The following MYO3B variants were observed in gnomAD, a reference collection of about 807,000 sequenced individuals.
MYO3B encodes myosin IIIB, also known as myosin-IIIb.
In MYO3B, 156 loss-of-function variants were observed where a neutral mutation model predicts 174.6. The ratio of observed to expected loss-of-function variants is 0.89; its 90% confidence interval spans 0.78 to 1.02. The LOEUF (loss-of-function observed/expected upper bound fraction) is 1.02. Ranked by LOEUF, MYO3B falls within the 50% of genes least tolerant of loss-of-function variation. The probability of loss-of-function intolerance (pLI) is 0.00; values close to 1 mark genes in which losing one functional copy is unlikely to be tolerated. For missense variants in MYO3B, 1,632 were observed against 1,639.4 expected (o/e 1.00, Z 0.08); for synonymous variants, 563 against 569.1 (o/e 0.99, Z 0.15).
chr2:170,299,270 G>A (rs1298777674), intron 7 of MYO3B, among the ~76,000 whole-genome samples: 1 of 152,180 alleles, frequency 6.6e-6, no homozygotes, highest in African/African-American at 2.4e-5. Flanking sequence ...TAGAGAGACA[G>A]AGTGGTAAAT....
At chr2:170,320,562 A>G (rs1263312381) in intron 7 of MYO3B, among the ~76,000 whole-genome samples, 1 of 152,160 alleles carries the variant, frequency 6.6e-6, no homozygotes, top group Non-Finnish European at 1.5e-5. Context: ...GGGCACTTGA[A>G]AAGAGATGCA....
At chr2:170,485,531 A>C (rs143297342) in intron 25 of MYO3B, among the ~76,000 whole-genome samples, 1 of 152,206 alleles carries the variant, frequency 6.6e-6, no homozygotes, top group Non-Finnish European at 1.5e-5. Flanking sequence ...CTACTTATAC[A>C]TGTTAGAGAT....
chr2:170,391,555 A>G lies in MYO3B; in HGVS notation c.1613A>G (p.Tyr538Cys), dbSNP rs1444270746. 1 of 1,572,644 alleles carries G rather than the reference A, an allele frequency of 6.4e-7. No homozygotes were observed. The highest frequency in any genetic ancestry group is 8.6e-7 in the Non-Finnish European group (1 of 1,163,278). Residue 538 changes from tyrosine (Y) to cysteine (C), a missense_variant, in exon 15 of 35, where the codon TAT (tyrosine) becomes TGT (cysteine). Physicochemically the swap from Tyr to Cys is radical, Grantham distance 194. Coordinates refer to ENST00000408978, the MANE Select transcript of MYO3B (RefSeq NM_138995.5). ...EKNFHIFYYI[Y>C]AGLHHQKKLS... ...AATTTTCATATATTTTACTATATTT[A>G]TGCTGGTCTTCATCACCAAAAGAAG... is the stretch of plus-strand genomic sequence containing the variant.
chr2:170,336,780 CA>C (rs2105543912), intron 8 of MYO3B, among the ~76,000 whole-genome samples: 1 of 152,224 alleles, frequency 6.6e-6, no homozygotes, highest in South Asian at 2.1e-4. Flanking sequence ...CATTTGGCCC[CA>C]GGGGGTTTGT....
intron 32 of MYO3B, among the ~76,000 whole-genome samples, chr2:170,607,358 C>T (rs1694877376): frequency 6.6e-6 from 1 of 152,252 alleles, no homozygotes; most frequent in Non-Finnish European, 1.5e-5. Context: ...TGCTATACTA[C>T]ATGGGTCAGC....
At chr2:170,298,547 G>C (rs13402921) in intron 7 of MYO3B, among the ~76,000 whole-genome samples, 6,495 of 151,488 alleles carry the variant, frequency 0.043, 475 homozygotes, top group African/African-American at 0.15. Context: ...TGCTGGCGGG[G>C]ACCTGTAATC....
chr2:170,297,048 A>G (rs562646014), intron 7 of MYO3B, among the ~76,000 whole-genome samples: 1 of 152,306 alleles, frequency 6.6e-6, no homozygotes, highest in South Asian at 2.1e-4. Flanking sequence ...TTGGGTGGGT[A>G]CACAGATCCG....
At chr2:170,412,089 C>T (rs988449078) in intron 22 of MYO3B, 5 of 152,300 alleles carry the variant, frequency 3.3e-5, no homozygotes, top group South Asian at 4.1e-4. Context: ...TCTAACCCTT[C>T]GGCTGAGACT....
intron 32 of MYO3B, among the ~76,000 whole-genome samples, chr2:170,606,911 T>C (rs911966286): frequency 6.6e-6 from 1 of 152,010 alleles, no homozygotes; most frequent in Admixed American, 6.5e-5. Flanking sequence ...TCCCAGCTAC[T>C]GGGGAGGCTG....
intron 25 of MYO3B, among the ~76,000 whole-genome samples, chr2:170,497,350 C>G (rs937363436): frequency 6.6e-6 from 1 of 152,248 alleles, no homozygotes; most frequent in African/African-American, 2.4e-5. Flanking sequence ...GGGGCGGTGG[C>G]TCACGCCTGT....
chr2:170,550,616 T>C (rs1348203934), intron 32 of MYO3B, among the ~76,000 whole-genome samples: 2 of 152,216 alleles, frequency 1.3e-5, no homozygotes, highest in Non-Finnish European at 2.9e-5. Flanking sequence ...GCACCTACTA[T>C]ATGTCAACCA....
chr2:170,418,609 TCCTGGAAATAAGG>T (rs1429892910), intron 22 of MYO3B, among the ~76,000 whole-genome samples: 1 of 152,090 alleles, frequency 6.6e-6, no homozygotes, highest in Non-Finnish European at 1.5e-5. Flanking sequence ...AGACCTGTTT[TCCTGGAAATAAGG>T]CCCATGATGA....
intron 32 of MYO3B, among the ~76,000 whole-genome samples, chr2:170,616,176 C>T (rs59305466): frequency 0.2 from 30,674 of 152,064 alleles, 3,955 homozygotes; most frequent in African/African-American, 0.35. Context: ...CCAGAAATTC[C>T]CAGAAGGGAG....
At chr2:170,187,282 T>C (rs1198231693) in intron 1 of MYO3B, among the ~76,000 whole-genome samples, 2 of 152,074 alleles carry the variant, frequency 1.3e-5, no homozygotes, top group African/African-American at 2.4e-5. Flanking sequence ...TCCCAGCCTG[T>C]AGTGCAGTGA....
intron 7 of MYO3B, among the ~76,000 whole-genome samples, chr2:170,322,785 T>C (rs938405649): frequency 6.6e-6 from 1 of 152,172 alleles, no homozygotes; most frequent in Non-Finnish European, 1.5e-5. Flanking sequence ...GCACATGGTC[T>C]CTGGTGATCC....
intron 7 of MYO3B, among the ~76,000 whole-genome samples, chr2:170,241,103 A>AT (rs1267435228): frequency 6.8e-6 from 1 of 146,402 alleles, no homozygotes. Flanking sequence ...CCTTTCTCTT[A>AT]TTTTTTCTCT....
intron 32 of MYO3B, among the ~76,000 whole-genome samples, chr2:170,593,557 T>G (rs1396971314): frequency 6.6e-6 from 1 of 152,230 alleles, no homozygotes; most frequent in Non-Finnish European, 1.5e-5. Flanking sequence ...GATAAGCAGA[T>G]CTGAATATCA....
chr2:170,413,372 G>A, intron 22 of MYO3B, among the ~76,000 whole-genome samples: 1 of 152,170 alleles, frequency 6.6e-6, no homozygotes, highest in Non-Finnish European at 1.5e-5. Flanking sequence ...AATAGGACAA[G>A]GAGGAAAGAC....
intron 32 of MYO3B, among the ~76,000 whole-genome samples, chr2:170,630,445 C>T (rs1305407684): frequency 6.6e-6 from 1 of 152,220 alleles, no homozygotes; most frequent in Non-Finnish European, 1.5e-5. Flanking sequence ...GCCTGCCTGC[C>T]TCTGTAGACT....
Sources: gnomAD v4.1 joint callset for allele counts (sites outside exome capture counted in the v4.1 genomes callset) on GRCh38, gnomAD v4.1.1 for gene constraint, MANE v1.5 for transcripts, NCBI Gene and HGNC (gene_info 2026-07-23, HGNC 2026-07-21) for gene names.